NCK2: variants seen among roughly 807,000 people sequenced by gnomAD.
NCK2 encodes cytoplasmic protein NCK2.
A neutral mutation model predicts 33.9 loss-of-function variants in NCK2; 16 were observed. That is an observed-to-expected ratio of 0.47 (90% CI 0.32 to 0.72). NCK2 has a LOEUF of 0.72. Among genes scored for constraint, NCK2 ranks in the 30% least tolerant of loss-of-function variants. The pLI is 0.03. For synonymous variants in NCK2, 273 were observed against 239.9 expected (o/e 1.14, Z -1.27); for missense variants, 418 against 537.3 (o/e 0.78, Z 2.19).
chr2:105,744,707 C>T (rs537304703), upstream of NCK2, among the ~76,000 whole-genome samples: 1,065 of 151,422 alleles, frequency 7.0e-3, 19 homozygotes, highest in African/African-American at 0.025. Flanking sequence ...GGCGCGGAGC[C>T]TGGCGACGAC....
chr2:105,758,610 A>G (rs1689668630), intron 1 of NCK2, among the ~76,000 whole-genome samples: 1 of 151,774 alleles, frequency 6.6e-6, no homozygotes, highest in Non-Finnish European at 1.5e-5. Context: ...GGGTTTCACC[A>G]TATTGGCCAG....
intron 1 of NCK2, among the ~76,000 whole-genome samples, chr2:105,795,341 C>T (rs943494351): frequency 6.6e-6 from 1 of 152,002 alleles, no homozygotes; most frequent in African/African-American, 2.4e-5. Context: ...ATACTCTATA[C>T]ACTTTTCCCA....
intron 1 of NCK2, among the ~76,000 whole-genome samples, chr2:105,760,393 G>A (rs1296449858): frequency 2.6e-5 from 4 of 152,160 alleles, no homozygotes; most frequent in Non-Finnish European, 5.9e-5. Context: ...CCTGTTGCAC[G>A]AGTTCCCCAG....
chr2:105,809,975 C>A (rs1365316129), intron 1 of NCK2, among the ~76,000 whole-genome samples: 2 of 152,076 alleles, frequency 1.3e-5, no homozygotes, highest in African/African-American at 4.8e-5. Flanking sequence ...TAGTGGAGGG[C>A]TGTGATGTCA....
chr2:105,797,749 A>G (rs73949304), intron 1 of NCK2, among the ~76,000 whole-genome samples: 4,529 of 152,228 alleles, frequency 0.03, 97 homozygotes, highest in African/African-American at 0.043. Flanking sequence ...AAAACAAAAC[A>G]CCTGATGTTG....
chr2:105,790,063 G>T (rs1380852125), intron 1 of NCK2, among the ~76,000 whole-genome samples: 2 of 152,186 alleles, frequency 1.3e-5, no homozygotes, highest in African/African-American at 4.8e-5. Context: ...AATTTTTATT[G>T]CTTCTACTTT....
At chr2:105,827,967 G>T (rs950059338) in intron 2 of NCK2, among the ~76,000 whole-genome samples, 1 of 152,148 alleles carries the variant, frequency 6.6e-6, no homozygotes, top group Non-Finnish European at 1.5e-5. Flanking sequence ...CAGTTTCCTG[G>T]TTTCGATATT....
chr2:105,802,266 G>A (rs1674869138), intron 1 of NCK2, among the ~76,000 whole-genome samples: 1 of 152,218 alleles, frequency 6.6e-6, no homozygotes, highest in Admixed American at 6.5e-5. Flanking sequence ...TTGCTCAAAT[G>A]TGGTGTGGGA....
intron 1 of NCK2, among the ~76,000 whole-genome samples, chr2:105,754,527 A>G (rs1689547161): frequency 6.6e-6 from 1 of 152,190 alleles, no homozygotes; most frequent in Non-Finnish European, 1.5e-5. Flanking sequence ...ACAGGAGAGG[A>G]GAGCAGTTGC....
intron 1 of NCK2, among the ~76,000 whole-genome samples, chr2:105,789,104 C>A (rs1690783169): frequency 6.6e-6 from 1 of 152,196 alleles, no homozygotes; most frequent in Non-Finnish European, 1.5e-5. Context: ...CCACCTTCCT[C>A]AGCTGAGGGC....
intron 1 of NCK2, among the ~76,000 whole-genome samples, chr2:105,811,346 T>G (rs1025219195): frequency 6.6e-6 from 1 of 152,182 alleles, no homozygotes; most frequent in Non-Finnish European, 1.5e-5. Flanking sequence ...AAGTTAGGCC[T>G]ACAGCCCTGT....
chr2:105,881,625 A>C lies in NCK2; in HGVS notation c.524A>C (p.Glu175Ala), dbSNP rs762479770. ...VLEEVDEAAAESPSFLSLRKG... is the reference protein window; with the variant it reads ...VLEEVDEAAAASPSFLSLRKG... ...GAGGAGGTGGACGAGGCGGCTGCGGAGTCCCCAAGCTTCCTGAGCCTGCGC... is the reference window on the plus strand; with the variant it reads ...GAGGAGGTGGACGAGGCGGCTGCGGCGTCCCCAAGCTTCCTGAGCCTGCGC... The change falls in exon 4 of 5, where the codon GAG becomes GCG. Residue 175 changes from glutamate to alanine, a missense_variant. By Grantham distance (107) the Glu-to-Ala change is moderately radical. Transcript: ENST00000233154. The C allele has an allele frequency of 6.2e-7, 1 of 1,613,536 alleles. No individual in the cohort carries two copies. Among genetic ancestry groups the C allele is most frequent in the African/African-American group, 1.3e-5 (1 of 74,928 alleles).
chr2:105,848,392 G>A (rs372122827), intron 2 of NCK2: 5 of 152,156 alleles, frequency 3.3e-5, no homozygotes, highest in African/African-American at 4.8e-5. Flanking sequence ...TTCAACGGTC[G>A]GAAGAGAGTT....
chr2:105,773,955 A>C (rs1690218719), intron 1 of NCK2, among the ~76,000 whole-genome samples: 1 of 152,140 alleles, frequency 6.6e-6, no homozygotes, highest in Non-Finnish European at 1.5e-5. Context: ...AGAGGTACCA[A>C]AATGAAGTGT....
In NCK2 at chr2:105,874,549, T is replaced by A. The variant is rs1379230815; in HGVS notation, c.227-6779T>A. ...TGGTTTATGTTACACATCTGATCAGTAGCAAAAATTAAATGATTTTGCCAT... is the reference window on the plus strand; with the variant it reads ...TGGTTTATGTTACACATCTGATCAGAAGCAAAAATTAAATGATTTTGCCAT... On this transcript the variant is annotated intron_variant, in intron 3 of 4. Transcript: ENST00000233154. Among the ~76,000 whole-genome samples the A allele has an allele frequency of 2.0e-5, 3 of 152,244 alleles. No homozygotes were observed. In the East Asian group the frequency reaches 5.8e-4, roughly 29 times the overall value.
intron 3 of NCK2, among the ~76,000 whole-genome samples, chr2:105,868,286 C>T (rs1677840585): frequency 6.6e-6 from 1 of 152,164 alleles, no homozygotes; most frequent in Admixed American, 6.5e-5. Context: ...TATAACTTCC[C>T]CTTCCGTTTG....
chr2:105,863,705 G>A (rs1677636124), intron 3 of NCK2, among the ~76,000 whole-genome samples: 1 of 152,156 alleles, frequency 6.6e-6, no homozygotes, highest in South Asian at 2.1e-4. Context: ...GAGTTATGCA[G>A]CTCGGGCACC....
At chr2:105,747,336 C>T (rs1327000741) in intron 1 of NCK2, among the ~76,000 whole-genome samples, 2 of 152,210 alleles carry the variant, frequency 1.3e-5, no homozygotes, top group Non-Finnish European at 2.9e-5. Flanking sequence ...TGTGCACAGA[C>T]TGGATAACCT....
At chr2:105,830,695 G>GTGTGTGTGTGTA (rs1553458073) in intron 2 of NCK2, among the ~76,000 whole-genome samples, 42 of 150,856 alleles carry the variant, frequency 2.8e-4, no homozygotes, top group Middle Eastern at 3.2e-3. Context: ...GTGTGTGTGT[G>GTGTGTGTGTGTA]TGTGTGTGTG....
Sources: allele counts gnomAD v4.1 joint callset (sites outside exome capture counted in the v4.1 genomes callset), GRCh38; gene constraint gnomAD v4.1.1; transcripts MANE v1.5; gene names NCBI Gene and HGNC (gene_info 2026-07-23, HGNC 2026-07-21).